Variants in INPP5D observed in about 807,000 individuals in gnomAD.
INPP5D encodes the protein phosphatidylinositol 3,4,5-trisphosphate 5-phosphatase 1.
INPP5D carries 33 observed loss-of-function variants against 122.9 expected under a neutral mutation model. The observed-to-expected ratio is 0.27, with a 90% CI of 0.20 to 0.36. INPP5D has a LOEUF of 0.36. Among genes scored for constraint, INPP5D ranks in the 10% least tolerant of loss-of-function variants. INPP5D has a pLI of 1.00. For synonymous variants in INPP5D, 584 were observed against 576.2 expected (o/e 1.01, Z -0.19); for missense variants, 1,053 against 1,412.7 (o/e 0.75, Z 4.08).
At chr2:233,080,221 C>T (rs899123000) in intron 2 of INPP5D, among the ~76,000 whole-genome samples, 2 of 152,164 alleles carry the variant, frequency 1.3e-5, no homozygotes, top group East Asian at 1.9e-4. Context: ...TGAGCCACCC[C>T]GCCAGGCTGC....
At chr2:233,096,704 C>T (rs1289192420) in intron 2 of INPP5D, among the ~76,000 whole-genome samples, 1 of 152,132 alleles carries the variant, frequency 6.6e-6, no homozygotes, top group Non-Finnish European at 1.5e-5. Context: ...ATTTGTGTTT[C>T]TTTTCCTGTC....
Position 233,163,663 on chromosome 2 carries a change from C to T in INPP5D, c.1241-44C>T, listed in dbSNP as rs575415857. ...TTTGAATTCTCCTAATGCTTTGACT[C>T]GATGTGCCTTTGACTCACTTGGTGT... On this transcript the variant is annotated intron_variant, in intron 11 of 26. Transcript: ENST00000445964. 23 of 1,611,848 alleles carry T rather than the reference C, an allele frequency of 1.4e-5. No individual in the cohort carries two copies. In the African/African-American group the frequency reaches 1.6e-4, roughly 11 times the overall value.
Position 233,206,606 on chromosome 2 carries a change from A to G in INPP5D, c.3568-100A>G. On this transcript the variant is annotated intron_variant, in intron 26 of 26. Coordinates refer to ENST00000445964, the MANE Select transcript of INPP5D (RefSeq NM_001017915.3). This position sits in a 1 kb window ranked among gnomAD's most constrained non-coding sequence, Gnocchi z 4.0. ...GCTCTTCTCAGCTACACGTTAAAGG[A>G]AGCCTGGCCTAGCCCACAGCATGCA... 1.4e-6 allele frequency: 1 copy of G among 697,050 alleles called. No individual in the cohort carries two copies. 43.2% of individuals were successfully genotyped at this position (697,050 alleles called of 1,614,324 possible). A position where few individuals can be genotyped will look rare whatever the true frequency, so the allele number is the denominator to read the frequency against.
chr2:233,205,250 C>T (rs929437694), intron 26 of INPP5D: 1 of 145,678 alleles, frequency 6.9e-6, no homozygotes, highest in African/African-American at 2.6e-5. Flanking sequence ...GAGGCTGAGG[C>T]AGGGGAATCG....
chr2:233,091,816 C>G (rs923965854), intron 2 of INPP5D, among the ~76,000 whole-genome samples: 15 of 152,194 alleles, frequency 9.9e-5, no homozygotes, highest in South Asian at 6.2e-4. Context: ...TATTGACTCA[C>G]TCATTTATTA....
intron 3 of INPP5D, among the ~76,000 whole-genome samples, chr2:233,124,260 G>A (rs1693086405): frequency 6.6e-6 from 1 of 152,118 alleles, no homozygotes; most frequent in African/African-American, 2.4e-5. Flanking sequence ...GGAGAGATTT[G>A]TCCACAGACG....
Position 233,146,232 on chromosome 2 carries a change from T to C in INPP5D, c.824T>C (p.Ile275Thr), listed in dbSNP as rs1411658302. 1.4e-6 allele frequency: 1 copy of C among 704,288 alleles called. No individual in the cohort carries two copies. The highest frequency in any genetic ancestry group is 2.6e-6 in the Non-Finnish European group (1 of 384,994). 43.6% of individuals were successfully genotyped at this position (704,288 alleles called of 1,614,324 possible). The change falls in exon 7 of 27, where the codon ATT becomes ACT. Residue 275 changes from isoleucine to threonine, a missense_variant. This residue lies in a region of INPP5D where 196 missense variants were observed against 175.6 expected (regional missense o/e 1.12). Transcript: ENST00000445964. Reference sequence around the variant, plus strand: ...CAACTGACAAGCCTGTTGTCGTCCATTGAAGACAAGGTACGTGTGGGGCTC... The same window carrying C: ...CAACTGACAAGCCTGTTGTCGTCCACTGAAGACAAGGTACGTGTGGGGCTC... ...LSQLTSLLSS[I>T]EDKVKALLHE... is the part of the protein sequence containing the mutation.
chr2:233,171,000 G>A lies in INPP5D; in HGVS notation c.1901-64G>A, dbSNP rs1694481964. 1.9e-6 allele frequency: 3 copies of A among 1,587,814 alleles called. No individual in the cohort carries two copies. Among genetic ancestry groups the A allele is most frequent in the Non-Finnish European group, 2.6e-6 (3 of 1,166,640 alleles). ...CCCCTGATTTCCTACCAGAAGAATA[G>A]GGAAAATTGGCCAGATGCAAAACCT... On this transcript the variant is annotated intron_variant, in intron 16 of 26. Transcript: ENST00000445964. This position sits in a 1 kb window ranked among gnomAD's most constrained non-coding sequence, Gnocchi z 4.5.
intron 9 of INPP5D, among the ~76,000 whole-genome samples, chr2:233,152,997 GGT>G (rs1693958553): frequency 6.6e-6 from 1 of 152,186 alleles, no homozygotes; most frequent in African/African-American, 2.4e-5. Context: ...GGCAAGAGGC[GGT>G]GGCAGCTGGA....
intron 2 of INPP5D, among the ~76,000 whole-genome samples, chr2:233,095,794 A>T (rs1401642235): frequency 6.6e-6 from 1 of 152,196 alleles, no homozygotes; most frequent in Non-Finnish European, 1.5e-5. Flanking sequence ...TAGGAAATAG[A>T]GATCCCCTTC....
At chr2:233,127,343 A>G (rs959836515) in intron 4 of INPP5D, among the ~76,000 whole-genome samples, 1 of 152,244 alleles carries the variant, frequency 6.6e-6, no homozygotes, top group East Asian at 1.9e-4. Flanking sequence ...AAGCGGCGAC[A>G]CAGAGCCGCC....
In INPP5D at chr2:233,137,886, A is replaced by ACACATATATATG. The variant is rs1559313444; in HGVS notation, c.666-1956_666-1955insCACATATATATG. On this transcript the variant is annotated intron_variant, in intron 5 of 26. Transcript: ENST00000445964. ...TATATATATATATATATATATATAT[A>ACACATATATATG]TATATATATATACACACACACACAC... Among the ~76,000 whole-genome samples the ACACATATATATG allele has an allele frequency of 7.7e-5, 4 of 52,080 alleles. 1 individual carries two copies. The highest frequency in any genetic ancestry group is 1.9e-4 in the African/African-American group (4 of 21,154). The allele number at this position is 52,080 out of a possible 152,430, so 34.2% of individuals were successfully genotyped here.
rs771443410 is a variant in INPP5D, at chr2:233,204,654, G to T, written c.3504G>T (p.Pro1168=). 4 of 1,582,786 alleles carry T rather than the reference G, an allele frequency of 2.5e-6. No homozygotes were observed. The highest frequency in any genetic ancestry group is 3.3e-4 in the Middle Eastern group (2 of 6,002). ...ACTACCGCGACAACACCGAGCTCCC[G>T]CATCACGGCAAGCACCGGCCGGAGG... The part of the protein sequence containing the change: ...GRDYRDNTEL[P]HHGKHRPEEG... Residue 1168 remains proline (P), a synonymous_variant, in exon 26 of 27, where the codon CCG becomes CCT. Transcript: ENST00000445964.
At position 233,164,265 on chromosome 2, in the gene INPP5D, C is replaced by T. The variant is rs752626816; in HGVS notation, c.1438-42C>T. On this transcript the variant is annotated intron_variant, in intron 12 of 26. Transcript: ENST00000445964. This position sits in a 1 kb window ranked among gnomAD's most constrained non-coding sequence, Gnocchi z 4.3. The stretch of plus-strand genomic sequence containing the variant: ...TGAATCACTGTGCCCTGGTTCACAC[C>T]CTACACTTGGGCCGAGTATTGCAAC... 2.0e-6 allele frequency: 3 copies of T among 1,522,712 alleles called. No homozygotes were observed. The highest frequency in any genetic ancestry group is 2.7e-5 in the African/African-American group (2 of 72,872). 94.3% of individuals were successfully genotyped at this position (1,522,712 alleles called of 1,614,324 possible).
At chr2:233,176,177 C>T (rs1224557094) in intron 17 of INPP5D, among the ~76,000 whole-genome samples, 1 of 152,186 alleles carries the variant, frequency 6.6e-6, no homozygotes. Context: ...GTCTATCCCA[C>T]CTAATGGACA....
At chr2:233,069,968 G>A (rs928188391) in intron 1 of INPP5D, among the ~76,000 whole-genome samples, 21 of 152,110 alleles carry the variant, frequency 1.4e-4, no homozygotes, top group African/African-American at 4.8e-4. Flanking sequence ...GAGAGTGCCC[G>A]CCTCATTCTA....
At chr2:233,173,312 G>A (rs931754191) in intron 17 of INPP5D, among the ~76,000 whole-genome samples, 2 of 152,058 alleles carry the variant, frequency 1.3e-5, no homozygotes, top group African/African-American at 4.8e-5. Context: ...GTGAGTGAGT[G>A]GTGAATGAGT....
chr2:233,093,904 C>T (rs1016005212), intron 2 of INPP5D, among the ~76,000 whole-genome samples: 2 of 152,150 alleles, frequency 1.3e-5, no homozygotes, highest in African/African-American at 4.8e-5. Context: ...GAAGAACACG[C>T]TATGCATGCC....
At chr2:233,094,520 A>C (rs111964340) in intron 2 of INPP5D, among the ~76,000 whole-genome samples, 20 of 148,644 alleles carry the variant, frequency 1.3e-4, no homozygotes, top group Non-Finnish European at 2.2e-4. Context: ...CCCAAAAAAA[A>C]AAAAAAAAAA....
Sources: allele counts gnomAD v4.1 joint callset (sites outside exome capture counted in the v4.1 genomes callset), GRCh38; gene constraint gnomAD v4.1.1; regional missense constraint gnomAD v4.1.1; non-coding constraint Gnocchi (gnomAD v3.1); transcripts MANE v1.5; gene names NCBI Gene and HGNC (gene_info 2026-07-23, HGNC 2026-07-21).